TSPEAR: variants seen among roughly 807,000 people sequenced by gnomAD.
TSPEAR encodes the protein thrombospondin-type laminin G domain and EAR repeat-containing protein.
In TSPEAR, 69 loss-of-function variants were observed where a neutral mutation model predicts 71.6. The observed-to-expected ratio is 0.96, with a 90% CI of 0.79 to 1.18. TSPEAR has a LOEUF of 1.18. TSPEAR is among the 50% of genes most tolerant of loss of function. The probability of loss-of-function intolerance (pLI) is 0.00; values close to 1 mark genes in which losing one functional copy is unlikely to be tolerated. For synonymous variants in TSPEAR, 402 were observed against 387.2 expected (o/e 1.04, Z -0.45); for missense variants, 971 against 894.9 (o/e 1.09, Z -1.09).
chr21:44,681,291 A>G (rs1411640889), intron 1 of TSPEAR, among the ~76,000 whole-genome samples: 1 of 152,198 alleles, frequency 6.6e-6, no homozygotes, highest in African/African-American at 2.4e-5. Context: ...TTGGCCATCA[A>G]TGCAGGGCTT....
At chr21:44,511,216 A>G (rs1435660558) in intron 9 of TSPEAR, 3 of 152,286 alleles carry the variant, frequency 2.0e-5, no homozygotes, top group Non-Finnish European at 2.9e-5. Flanking sequence ...GTGTGTACAC[A>G]TGCCTGCACA....
chr21:44,524,677 GTAAT>G (rs201108495), intron 8 of TSPEAR, among the ~76,000 whole-genome samples: 5,927 of 151,798 alleles, frequency 0.039, 399 homozygotes, highest in African/African-American at 0.14. Flanking sequence ...AGTCAGTTAG[GTAAT>G]TAGTCAGTCA....
At chr21:44,572,471 C>T (rs1205476042) in intron 1 of TSPEAR, among the ~76,000 whole-genome samples, 4 of 152,120 alleles carry the variant, frequency 2.6e-5, no homozygotes, top group African/African-American at 9.7e-5. Context: ...TCAAGCCACA[C>T]CTCACAAGCA....
At chr21:44,601,940 G>C (rs1980962709) in intron 1 of TSPEAR, 1 of 755,792 alleles carries the variant, frequency 1.3e-6, no homozygotes, top group Non-Finnish European at 2.1e-6. Flanking sequence ...ACCCAGCCCT[G>C]CTTCCCCAGC....
chr21:44,531,790 C>T (rs1017202355), intron 3 of TSPEAR, among the ~76,000 whole-genome samples: 1 of 152,170 alleles, frequency 6.6e-6, no homozygotes, highest in Non-Finnish European at 1.5e-5. Context: ...GGCTGGTGAC[C>T]CATGAGGGTG....
chr21:44,571,959 C>T (rs1247944082), intron 1 of TSPEAR, among the ~76,000 whole-genome samples: 1 of 152,220 alleles, frequency 6.6e-6, no homozygotes, highest in African/African-American at 2.4e-5. Flanking sequence ...CCCGGAGGGG[C>T]ACCAGCACTG....
rs116723795 is a variant in TSPEAR at position 44,628,230 on chromosome 21, G to A, written c.83-60225C>T. On this transcript the variant is annotated intron_variant, in intron 1 of 11. Coordinates refer to ENST00000323084, the MANE Select transcript of TSPEAR (RefSeq NM_144991.3). ...TCCCTGACCTCCCCCCCGGGCAGGC[G>A]AGCCCTGGCTTCTCCTCACGGTGCT... 2.6e-3 allele frequency: 1,760 copies of A among 680,796 alleles called. 51 individuals carry two copies. The African/African-American group carries it at 0.03, about 12-fold the overall frequency. The allele number at this position is 680,796 out of a possible 1,614,324, so 42.2% of individuals were successfully genotyped here.
In TSPEAR at chr21:44,587,562, G is replaced by A. The variant is rs146124120; in HGVS notation, c.83-19557C>T. ...TTCATATGGAACCAAAAAAGGGCCCGCATAGCCAAAGCAAGACTAAGCAAA... is the reference window on the plus strand; with the variant it reads ...TTCATATGGAACCAAAAAAGGGCCCACATAGCCAAAGCAAGACTAAGCAAA... On this transcript the variant is annotated intron_variant, in intron 1 of 11. Coordinates refer to ENST00000323084, the MANE Select transcript of TSPEAR (RefSeq NM_144991.3). 5.3e-4 allele frequency among the ~76,000 whole-genome samples: 80 copies of A among 152,174 alleles called. 1 individual carries two copies. Among genetic ancestry groups the A allele is most frequent in the African/African-American group, 1.4e-3 (59 of 41,518 alleles).
intron 1 of TSPEAR, among the ~76,000 whole-genome samples, chr21:44,604,070 C>G (rs1318610680): frequency 6.6e-6 from 1 of 152,178 alleles, no homozygotes; most frequent in East Asian, 1.9e-4. Flanking sequence ...GTTAAACGTG[C>G]ATGGAGAGAT....
intron 1 of TSPEAR, among the ~76,000 whole-genome samples, chr21:44,693,561 A>G (rs557358770): frequency 6.6e-6 from 1 of 152,346 alleles, no homozygotes; most frequent in Non-Finnish European, 1.5e-5. Context: ...TAAGTACATG[A>G]AAAGATGCTC....
At chr21:44,638,197 C>A in intron 1 of TSPEAR, 4 of 1,584,378 alleles carry the variant, frequency 2.5e-6, no homozygotes, top group Admixed American at 1.7e-5. Context: ...GATCCGGAGT[C>A]CCTTCCCACC....
Position 44,607,226 on chromosome 21 carries a change from C to T in TSPEAR, c.83-39221G>A, listed in dbSNP as rs138320253. Among the ~76,000 whole-genome samples the T allele has an allele frequency of 3.1e-3, 467 of 152,220 alleles. 2 individuals are homozygous for T. In the Middle Eastern group the frequency reaches 0.041, roughly 13 times the overall value. The stretch of plus-strand genomic sequence containing the variant: ...TCCCAAGTAGCTGGGACTACAGGTG[C>T]GCGCCACTACACCCAACTAATTTTT... On this transcript the variant is annotated intron_variant, in intron 1 of 11. Coordinates refer to ENST00000323084, the MANE Select transcript of TSPEAR (RefSeq NM_144991.3).
chr21:44,633,523 A>C (rs931833981), intron 1 of TSPEAR, among the ~76,000 whole-genome samples: 6 of 152,216 alleles, frequency 3.9e-5, no homozygotes, highest in African/African-American at 1.4e-4. Flanking sequence ...TAATTGCCAC[A>C]TATTTGTGAA....
At chr21:44,567,290 A>T (rs2053715830) in intron 2 of TSPEAR, among the ~76,000 whole-genome samples, 2 of 152,230 alleles carry the variant, frequency 1.3e-5, no homozygotes, top group Admixed American at 1.3e-4. Context: ...ATTCATTTTT[A>T]TTTACTTCAG....
At chr21:44,690,747 G>T in intron 1 of TSPEAR, 2 of 298,466 alleles carry the variant, frequency 6.7e-6, no homozygotes, top group Non-Finnish European at 9.9e-6. Context: ...ATCCTCTGGG[G>T]GTGTGGTCAT....
At chr21:44,519,872 C>T (rs2145956425) in intron 9 of TSPEAR, 1 of 152,430 alleles carries the variant, frequency 6.6e-6, no homozygotes, top group Middle Eastern at 3.4e-3. Flanking sequence ...GGGCAGAGCT[C>T]TTGGCACAGG....
Position 44,543,911 on chromosome 21 carries a change from A to G in TSPEAR, c.304-9988T>C, listed in dbSNP as rs184407752. Among the ~76,000 whole-genome samples, 19 of 152,368 alleles carry G rather than the reference A, an allele frequency of 1.2e-4. No individual in the cohort carries two copies. The East Asian group carries it at 3.1e-3, about 25-fold the overall frequency. On this transcript the variant is annotated intron_variant, in intron 2 of 11. Transcript: ENST00000323084. The stretch of plus-strand genomic sequence containing the variant: ...TATGGTAGCACTAGGAACCAATACA[A>G]TGAAGGAATAAAAAAACTTAAAACA...
At chr21:44,700,958 T>A (rs1246795256) in intron 1 of TSPEAR, among the ~76,000 whole-genome samples, 1 of 151,556 alleles carries the variant, frequency 6.6e-6, no homozygotes, top group East Asian at 1.9e-4. Context: ...AGGTGAGAGG[T>A]GGACAGAGGC....
At position 44,647,653 on chromosome 21, in the gene TSPEAR, C is replaced by A. The variant is rs1209900009; in HGVS notation, c.82+63780G>T. ...CAATAAATTCTTGAGTCAGGAAATA[C>A]GGGCTGGTGTGCACTTTCTGCTCTT... On this transcript the variant is annotated intron_variant, in intron 1 of 11. Transcript: ENST00000323084. The A allele has an allele frequency of 1.1e-5, 5 of 444,654 alleles. No homozygotes were observed. In the East Asian group the frequency reaches 2.1e-4, roughly 19 times the overall value. 27.5% of individuals were successfully genotyped at this position (444,654 alleles called of 1,614,324 possible). A position where few individuals can be genotyped will look rare whatever the true frequency, so the allele number is the denominator to read the frequency against.
Sources: gnomAD v4.1 joint callset for allele counts (sites outside exome capture counted in the v4.1 genomes callset) on GRCh38, gnomAD v4.1.1 for gene constraint, MANE v1.5 for transcripts, NCBI Gene and HGNC (gene_info 2026-07-23, HGNC 2026-07-21) for gene names.